The following ALG6 variants were observed in gnomAD, a reference collection of about 807,000 sequenced individuals.
The protein encoded by ALG6 is ALG6 alpha-1,3-glucosyltransferase, also known as dolichyl pyrophosphate Man9GlcNAc2 alpha-1,3-glucosyltransferase.
Under a neutral mutation model 66.6 loss-of-function variants are expected in ALG6, and 46 were observed. The ratio of observed to expected loss-of-function variants is 0.69; its 90% CI spans 0.55 to 0.88. The LOEUF is 0.88. Among genes scored for constraint, ALG6 ranks in the 40% least tolerant of loss-of-function variants. The pLI is 0.00. For synonymous variants in ALG6, 185 were observed against 203.7 expected (o/e 0.91, Z 0.78); for missense variants, 505 against 586.8 (o/e 0.86, Z 1.44).
chr1:63,379,063 C>T (rs1036718647), intron 2 of ALG6, among the ~76,000 whole-genome samples: 15 of 152,034 alleles, frequency 9.9e-5, no homozygotes, highest in East Asian at 1.9e-4. Context: ...TAAAAATTCT[C>T]GTATCTGCAT....
At chr1:63,383,029 T>A (rs926967253) in intron 2 of ALG6, among the ~76,000 whole-genome samples, 1 of 151,784 alleles carries the variant, frequency 6.6e-6, no homozygotes, top group African/African-American at 2.4e-5. Context: ...GCCAGGCTGG[T>A]CTCAAACTCC....
chr1:63,413,436 A>G lies in ALG6; in HGVS notation c.817-625A>G, dbSNP rs114344922. On this transcript the variant is annotated intron_variant, in intron 9 of 14. Transcript: ENST00000263440. Reference sequence around the variant, plus strand: ...ATCTGAAAAGCATTTTCTTTGATCCAGCAGAGGAAAGTGGGATGATATAGT... The same window carrying G: ...ATCTGAAAAGCATTTTCTTTGATCCGGCAGAGGAAAGTGGGATGATATAGT... Among the ~76,000 whole-genome samples the G allele has an allele frequency of 7.1e-3, 1,088 of 152,292 alleles. 11 individuals are homozygous for G. Among genetic ancestry groups the G allele is most frequent in the African/African-American group, 0.025 (1,053 of 41,548 alleles).
intron 11 of ALG6, among the ~76,000 whole-genome samples, chr1:63,417,899 G>C (rs1286153344): frequency 6.6e-6 from 1 of 152,124 alleles, no homozygotes; most frequent in Non-Finnish European, 1.5e-5. Context: ...ACTTTGGGAG[G>C]CCGAGGCAGG....
chr1:63,385,184 CTTTTTTTTTTTTTTTTTTTTTT>C lies in ALG6; in HGVS notation c.83-11317_83-11296del, dbSNP rs1165046824. On this transcript the variant is annotated intron_variant, in intron 2 of 14. Transcript: ENST00000263440. Reference sequence around the variant, plus strand: ...TTTTTATTAAGATCTTTTACTTCTTCTTTTTTTTTTTTTTTTTTTTTTTTTTTTTTTTTGAGACAGAGTCTCG... The same window carrying C: ...TTTTTATTAAGATCTTTTACTTCTTCTTTTTTTTTTTGAGACAGAGTCTCG... Among the ~76,000 whole-genome samples the C allele has an allele frequency of 1.1e-3, 66 of 58,960 alleles. 1 individual carries two copies. Among genetic ancestry groups the C allele is most frequent in the African/African-American group, 2.3e-3 (35 of 15,130 alleles). 38.7% of individuals were successfully genotyped at this position (58,960 alleles called of 152,430 possible). A position where few individuals can be genotyped will look rare whatever the true frequency, so the allele number is the denominator to read the frequency against.
intron 2 of ALG6, among the ~76,000 whole-genome samples, chr1:63,371,558 C>G (rs936677133): frequency 2.0e-5 from 3 of 152,112 alleles, no homozygotes; most frequent in African/African-American, 7.2e-5. Context: ...TCTAAAAATA[C>G]AAGATGAATA....
chr1:63,424,561 C>CT (rs904113669), intron 12 of ALG6, among the ~76,000 whole-genome samples: 1 of 151,898 alleles, frequency 6.6e-6, no homozygotes, highest in Non-Finnish European at 1.5e-5. Flanking sequence ...TTTGGGTTGT[C>CT]TTTTTTACCC....
intron 14 of ALG6, among the ~76,000 whole-genome samples, chr1:63,432,083 A>G (rs1201383840): frequency 6.6e-6 from 1 of 152,194 alleles, no homozygotes; most frequent in African/African-American, 2.4e-5. Flanking sequence ...TTTACTTGAT[A>G]TTAGAGGGAA....
In ALG6 at chr1:63,411,271, C is replaced by A; in HGVS notation, c.620C>A (p.Ala207Asp). 2 of 1,613,872 alleles carry A rather than the reference C, an allele frequency of 1.2e-6. No homozygotes were observed. Among genetic ancestry groups the A allele is most frequent in the African/African-American group, 2.7e-5 (2 of 74,974 alleles). ...INYKQMELYH[A>D]LPFFCFLLGK... ...TATAAACAGATGGAACTTTACCACG[C>A]CTTGCCATTTTTTTGCTTTTTACTT... Residue 207 changes from alanine (A) to aspartate (D), a missense_variant, in exon 8 of 15, where the codon GCC (alanine) becomes GAC (aspartate). Coordinates refer to ENST00000263440, the MANE Select transcript of ALG6 (RefSeq NM_013339.4).
At chr1:63,401,733 A>G (rs906338325) in intron 3 of ALG6, among the ~76,000 whole-genome samples, 3 of 152,204 alleles carry the variant, frequency 2.0e-5, no homozygotes, top group Admixed American at 6.6e-5. Context: ...TTTGGCTTGC[A>G]CTGTTGTATT....
chr1:63,391,086 T>C (rs903410346), intron 2 of ALG6, among the ~76,000 whole-genome samples: 1 of 152,234 alleles, frequency 6.6e-6, no homozygotes, highest in Non-Finnish European at 1.5e-5. Context: ...CTGCCTCCTC[T>C]GTCATAGTTT....
At chr1:63,399,409 C>T (rs558203696) in intron 3 of ALG6, among the ~76,000 whole-genome samples, 5 of 152,122 alleles carry the variant, frequency 3.3e-5, no homozygotes, top group East Asian at 1.9e-4. Flanking sequence ...ATTGTATGCA[C>T]GCAGGAGTCT....
rs1405460279 is a variant in ALG6, at chr1:63,438,471, TGAG to T, written c.*1454_*1456del. 3 of 152,166 alleles carry T rather than the reference TGAG, an allele frequency of 2.0e-5. No individual in the cohort carries two copies. Among genetic ancestry groups the T allele is most frequent in the Admixed American group, 6.6e-5 (1 of 15,266 alleles). The allele number at this position is 152,166 out of a possible 1,614,324, so 9.4% of individuals were successfully genotyped here. A position where few individuals can be genotyped will look rare whatever the true frequency, so the allele number is the denominator to read the frequency against. ...ATAGAATGTTGACTTAGATAAATGA[TGAG>T]GAAGTTATAAATAATTGGAGTAGCA... On this transcript the variant is annotated 3_prime_UTR_variant, in exon 15 of 15. Coordinates refer to ENST00000263440, the MANE Select transcript of ALG6 (RefSeq NM_013339.4).
chr1:63,391,068 A>T (rs1274990004), intron 2 of ALG6, among the ~76,000 whole-genome samples: 2 of 152,142 alleles, frequency 1.3e-5, no homozygotes, highest in Non-Finnish European at 1.5e-5. Context: ...CTATTTGGCC[A>T]TCCTGCTCTG....
At chr1:63,368,744 A>T (rs1570023678) in intron 1 of ALG6, among the ~76,000 whole-genome samples, 1 of 152,070 alleles carries the variant, frequency 6.6e-6, no homozygotes, top group Non-Finnish European at 1.5e-5. Flanking sequence ...CAGGTGATCC[A>T]CCTGCCTCGG....
At chr1:63,418,128 C>A (rs1368203820) in intron 11 of ALG6, among the ~76,000 whole-genome samples, 1 of 148,158 alleles carries the variant, frequency 6.7e-6, no homozygotes, top group Non-Finnish European at 1.5e-5. Flanking sequence ...GAGTGAAACT[C>A]CATCTCAAAA....
At chr1:63,384,783 C>T (rs1648446995) in intron 2 of ALG6, among the ~76,000 whole-genome samples, 1 of 152,112 alleles carries the variant, frequency 6.6e-6, no homozygotes. Flanking sequence ...AATGAGTTCA[C>T]TGTAGATGTG....
intron 1 of ALG6, among the ~76,000 whole-genome samples, chr1:63,368,283 G>C (rs1001921351): frequency 6.6e-6 from 1 of 152,068 alleles, no homozygotes; most frequent in Non-Finnish European, 1.5e-5. Flanking sequence ...TAAAAGCCTC[G>C]CATAATATCT....
At chr1:63,419,139 G>T (rs936497812) in intron 11 of ALG6, among the ~76,000 whole-genome samples, 1 of 152,066 alleles carries the variant, frequency 6.6e-6, no homozygotes, top group African/African-American at 2.4e-5. Context: ...GAGTTATGAT[G>T]AACTTAGATG....
At chr1:63,427,115 C>G (rs1644619090) in intron 12 of ALG6, among the ~76,000 whole-genome samples, 1 of 151,938 alleles carries the variant, frequency 6.6e-6, no homozygotes, top group Admixed American at 6.6e-5. Context: ...ATTCTCCTGC[C>G]TCAGCCTCCT....
Sources: gnomAD v4.1 joint callset for allele counts (sites outside exome capture counted in the v4.1 genomes callset) on GRCh38, gnomAD v4.1.1 for gene constraint, MANE v1.5 for transcripts, NCBI Gene and HGNC (gene_info 2026-07-23, HGNC 2026-07-21) for gene names.